PEX5L: variants seen among roughly 807,000 people sequenced by gnomAD.
The protein encoded by PEX5L is peroxisomal biogenesis factor 5 like.
A neutral mutation model predicts 84.0 loss-of-function variants in PEX5L; 30 were observed. The ratio of observed to expected loss-of-function variants is 0.36; its 90% CI spans 0.27 to 0.48. The LOEUF is 0.48. PEX5L is among the 20% of genes least tolerant of loss of function. The probability of loss-of-function intolerance (pLI) is 0.99; values close to 1 mark genes in which losing one functional copy is unlikely to be tolerated. For synonymous variants in PEX5L, 270 were observed against 283.1 expected (o/e 0.95, Z 0.46); for missense variants, 533 against 754.6 (o/e 0.71, Z 3.44).
chr3:179,902,810 C>T (rs914043273), intron 2 of PEX5L: 11 of 371,176 alleles, frequency 3.0e-5, no homozygotes, highest in Non-Finnish European at 5.8e-5. Context: ...AAACTCTCAA[C>T]AATTATCCAG....
intron 4 of PEX5L, among the ~76,000 whole-genome samples, chr3:179,880,709 AATT>A (rs779187829): frequency 6.6e-6 from 1 of 152,224 alleles, no homozygotes; most frequent in African/African-American, 2.4e-5. Context: ...TTAGTATGCA[AATT>A]TGAATTTCAA....
rs148056899 is a variant in PEX5L, at chr3:179,998,379, C to T, written c.22-26714G>A. Among the ~76,000 whole-genome samples, 12 of 152,286 alleles carry T rather than the reference C, an allele frequency of 7.9e-5. No homozygotes were observed. The East Asian group carries it at 1.9e-3, about 24-fold the overall frequency. ...AGGCTTTGCAACAGGTCCAGGCTGC[C>T]GTGCAAGTTGCTCTGCCACTTGGGC... On this transcript the variant is annotated intron_variant, in intron 1 of 14. Coordinates refer to ENST00000467460, the MANE Select transcript of PEX5L (RefSeq NM_016559.3).
intron 4 of PEX5L, among the ~76,000 whole-genome samples, chr3:179,880,679 C>T (rs1270562609): frequency 6.6e-6 from 1 of 152,210 alleles, no homozygotes; most frequent in Non-Finnish European, 1.5e-5. Flanking sequence ...AATAGGTACA[C>T]ATGTTAATGC....
In PEX5L at chr3:179,949,157, A is replaced by T. The variant is rs563768392; in HGVS notation, c.93+22437T>A. The stretch of plus-strand genomic sequence containing the variant: ...AGTCCGTGTTGCAATATTCTATTTT[A>T]AAAACTTGTTTTGGGAAGGATTAAT... On this transcript the variant is annotated intron_variant, in intron 2 of 14. Coordinates refer to ENST00000467460, the MANE Select transcript of PEX5L (RefSeq NM_016559.3). Among the ~76,000 whole-genome samples, 15 of 152,304 alleles carry T rather than the reference A, an allele frequency of 9.8e-5. 1 individual carries two copies. The highest frequency in any genetic ancestry group is 3.4e-4 in the African/African-American group (14 of 41,578).
At chr3:179,825,982 T>C (rs531859394) in intron 8 of PEX5L, among the ~76,000 whole-genome samples, 1 of 152,348 alleles carries the variant, frequency 6.6e-6, no homozygotes, top group South Asian at 2.1e-4. Flanking sequence ...ATATTGGTAC[T>C]AGCACTCAGA....
chr3:180,024,367 T>C (rs148797405), intron 1 of PEX5L, among the ~76,000 whole-genome samples: 13 of 89,788 alleles, frequency 1.4e-4, no homozygotes, highest in African/African-American at 7.5e-4. Flanking sequence ...TATATATATA[T>C]ATATATACAC....
chr3:179,842,762 C>T (rs1157031583), intron 8 of PEX5L, among the ~76,000 whole-genome samples: 1 of 152,084 alleles, frequency 6.6e-6, no homozygotes, highest in Non-Finnish European at 1.5e-5. Context: ...AATACGTTGT[C>T]CTCAAGAACT....
At chr3:179,874,506 G>T in intron 6 of PEX5L, 83 bp from the exon 7 acceptor site, 1 of 720,150 alleles carries the variant, frequency 1.4e-6, no homozygotes, top group Non-Finnish European at 2.4e-6. Flanking sequence ...AGGTAATTTG[G>T]ATCATTGAAA....
At chr3:179,824,135 A>C (rs1729498203) in intron 8 of PEX5L, among the ~76,000 whole-genome samples, 1 of 152,226 alleles carries the variant, frequency 6.6e-6, no homozygotes, top group African/African-American at 2.4e-5. Context: ...AAGGGATGGC[A>C]GCATATTATC....
intron 1 of PEX5L, among the ~76,000 whole-genome samples, chr3:179,995,104 C>G (rs1466654711): frequency 6.8e-6 from 1 of 146,800 alleles, no homozygotes. Flanking sequence ...TATATATACA[C>G]ACACTATATA....
intron 2 of PEX5L, among the ~76,000 whole-genome samples, chr3:179,910,566 T>A (rs1764816986): frequency 6.6e-6 from 1 of 152,222 alleles, no homozygotes; most frequent in Admixed American, 6.5e-5. Context: ...GTACCACTGA[T>A]AGTTTTTAAA....
At chr3:179,969,750 C>G (rs1784280600) in intron 2 of PEX5L, among the ~76,000 whole-genome samples, 1 of 151,878 alleles carries the variant, frequency 6.6e-6, no homozygotes, top group Non-Finnish European at 1.5e-5. Context: ...GAGTCACTGC[C>G]AAACAGTACC....
intron 7 of PEX5L, among the ~76,000 whole-genome samples, chr3:179,864,249 C>T (rs1255382820): frequency 6.6e-6 from 1 of 152,104 alleles, no homozygotes; most frequent in African/African-American, 2.4e-5. Context: ...GTGTTCATTG[C>T]AGCATTATTC....
At chr3:179,980,160 T>G (rs1369822627) in intron 1 of PEX5L, among the ~76,000 whole-genome samples, 2 of 152,220 alleles carry the variant, frequency 1.3e-5, no homozygotes, top group Non-Finnish European at 2.9e-5. Context: ...AATTTGCCTA[T>G]GAAATTTTGT....
chr3:180,034,561 T>G (rs1458550641), intron 1 of PEX5L, among the ~76,000 whole-genome samples: 1 of 152,080 alleles, frequency 6.6e-6, no homozygotes, highest in Non-Finnish European at 1.5e-5. Flanking sequence ...GTCATAGGTA[T>G]TTTTTTGTTG....
intron 1 of PEX5L, among the ~76,000 whole-genome samples, chr3:179,978,852 A>C: frequency 6.6e-6 from 1 of 152,208 alleles, no homozygotes. Context: ...TCTCAGTCAA[A>C]AGCTAGTGAG....
chr3:179,810,268 A>T (rs1361634058), intron 11 of PEX5L, among the ~76,000 whole-genome samples: 1 of 151,826 alleles, frequency 6.6e-6, no homozygotes, highest in Non-Finnish European at 1.5e-5. Flanking sequence ...CAGCCTCCCA[A>T]AATGCTGGGA....
At chr3:179,875,697 A>G (rs1051271670) in intron 5 of PEX5L, among the ~76,000 whole-genome samples, 1 of 152,222 alleles carries the variant, frequency 6.6e-6, no homozygotes, top group Non-Finnish European at 1.5e-5. Context: ...AAACTTGTGC[A>G]GCTAAATAGA....
At chr3:179,816,974 C>T (rs1283811925) in intron 9 of PEX5L, among the ~76,000 whole-genome samples, 1 of 151,748 alleles carries the variant, frequency 6.6e-6, no homozygotes, top group Admixed American at 6.6e-5. Flanking sequence ...CAACAGTTTC[C>T]CCTCAAGATT....
Sources: gnomAD v4.1 joint callset for allele counts (sites outside exome capture counted in the v4.1 genomes callset) on GRCh38, gnomAD v4.1.1 for gene constraint, MANE v1.5 for transcripts, NCBI Gene and HGNC (gene_info 2026-07-23, HGNC 2026-07-21) for gene names.